The following NWD2 variants were observed in gnomAD, a reference collection of about 807,000 sequenced individuals.
NWD2 encodes the protein NACHT and WD repeat domain containing 2, also known as NACHT and WD repeat domain-containing protein 2.
NWD2 carries 37 observed loss-of-function variants against 132.7 expected under a neutral mutation model. That is an observed-to-expected ratio of 0.28 (90% CI 0.21 to 0.37). NWD2 has a LOEUF of 0.37. Ranked by LOEUF, NWD2 falls within the 10% of genes least tolerant of loss-of-function variation. The probability of loss-of-function intolerance (pLI) is 1.00; values close to 1 mark genes in which losing one functional copy is unlikely to be tolerated. For synonymous variants in NWD2, 705 were observed against 803.0 expected (o/e 0.88, Z 2.06); for missense variants, 1,592 against 2,122.4 (o/e 0.75, Z 4.91).
chr4:37,297,503 T>A (rs183529926), intron 1 of NWD2, among the ~76,000 whole-genome samples: 1 of 152,308 alleles, frequency 6.6e-6, no homozygotes, highest in East Asian at 1.9e-4. Context: ...AATAAGTATA[T>A]GTTCTTACAT....
intron 1 of NWD2, among the ~76,000 whole-genome samples, chr4:37,301,629 T>C: frequency 6.6e-6 from 1 of 152,058 alleles, no homozygotes; most frequent in Non-Finnish European, 1.5e-5. Context: ...TTTTTTTATT[T>C]CTAGAGGTTT....
intron 2 of NWD2, among the ~76,000 whole-genome samples, chr4:37,343,823 A>T (rs962313553): frequency 3.9e-5 from 6 of 152,062 alleles, no homozygotes; most frequent in African/African-American, 1.4e-4. Context: ...TTTTTTACAG[A>T]TTGCTTTATT....
chr4:37,445,048 T>A lies in NWD2; in HGVS notation c.3060T>A (p.Asp1020Glu). 1.3e-6 allele frequency: 2 copies of A among 1,551,880 alleles called. No homozygotes were observed. The highest frequency in any genetic ancestry group is 1.7e-6 in the Non-Finnish European group (2 of 1,147,030). The change falls in exon 7 of 7, where the codon GAT becomes GAA. Residue 1020 changes from aspartate to glutamate, a missense_variant. By Grantham distance (45) the Asp-to-Glu change is conservative. Coordinates refer to ENST00000309447, the MANE Select transcript of NWD2 (RefSeq NM_001144990.2). This position sits in a 1 kb window ranked among gnomAD's most constrained non-coding sequence, Gnocchi z 4.7. ...SVILGMKLTSDEKYLVVATTN... is the reference protein window; with the variant it reads ...SVILGMKLTSEEKYLVVATTN... ...TCCTGGGCATGAAACTCACCAGTGA[T>A]GAAAAGTACCTTGTGGTGGCTACAA... is the stretch of plus-strand genomic sequence containing the variant.
intron 2 of NWD2, among the ~76,000 whole-genome samples, chr4:37,337,121 A>C (rs75647312): frequency 0.011 from 1,705 of 152,288 alleles, 33 homozygotes; most frequent in African/African-American, 0.039. Flanking sequence ...ACTGTTACAC[A>C]TGAGGCAACA....
chr4:37,348,675 T>TATACAC (rs1308407988), intron 2 of NWD2, among the ~76,000 whole-genome samples: 250 of 22,544 alleles, frequency 0.011, 2 homozygotes, highest in Non-Finnish European at 0.015. Flanking sequence ...TATATATATA[T>TATACAC]ACACACACAC....
chr4:37,397,985 A>G (rs1466210604), intron 3 of NWD2, among the ~76,000 whole-genome samples: 1 of 152,224 alleles, frequency 6.6e-6, no homozygotes, highest in East Asian at 1.9e-4. Flanking sequence ...TTGTCCAGAA[A>G]CATGCATTGA....
intron 1 of NWD2, among the ~76,000 whole-genome samples, chr4:37,295,379 A>G (rs1412843541): frequency 6.6e-6 from 1 of 152,204 alleles, no homozygotes; most frequent in Non-Finnish European, 1.5e-5. Context: ...TTCTGTGTGG[A>G]AATATCTTAC....
At chr4:37,295,277 A>G (rs554381826) in intron 1 of NWD2, among the ~76,000 whole-genome samples, 1 of 152,290 alleles carries the variant, frequency 6.6e-6, no homozygotes, top group South Asian at 2.1e-4. Context: ...CAATCAAAGT[A>G]TTCCTTAGAT....
At chr4:37,364,569 CAT>C (rs555529407) in intron 3 of NWD2, among the ~76,000 whole-genome samples, 156 of 152,206 alleles carry the variant, frequency 1.0e-3, no homozygotes, top group Non-Finnish European at 1.9e-3. Context: ...AGATTACACA[CAT>C]ATATAAACAA....
chr4:37,264,170 G>A (rs1158053585), intron 1 of NWD2, among the ~76,000 whole-genome samples: 2 of 152,150 alleles, frequency 1.3e-5, no homozygotes, highest in African/African-American at 4.8e-5. Context: ...GCTTAATTTA[G>A]TGCCTGGCTG....
Position 37,446,939 on chromosome 4 carries a change from G to T in NWD2, c.4951G>T (p.Ala1651Ser). 6.4e-7 allele frequency: 1 copy of T among 1,551,396 alleles called. No individual in the cohort carries two copies. The highest frequency in any genetic ancestry group is 8.7e-7 in the Non-Finnish European group (1 of 1,146,920). ...GIYTVVDRVD[A>S]ALKIKIATSN... Reference sequence around the variant, plus strand: ...CTACACGGTAGTAGACCGTGTAGATGCTGCACTGAAAATCAAAATTGCCAC... The same window carrying T: ...CTACACGGTAGTAGACCGTGTAGATTCTGCACTGAAAATCAAAATTGCCAC... Residue 1651 changes from alanine (A) to serine (S), a missense_variant, in exon 7 of 7, where the codon GCT becomes TCT. Ala to Ser is a moderately conservative substitution (Grantham distance 99, BLOSUM62 1). Transcript: ENST00000309447. The surrounding 1 kb of genome is among the most constrained non-coding windows in gnomAD (Gnocchi z 6.7).
At chr4:37,296,943 G>A (rs1034494691) in intron 1 of NWD2, among the ~76,000 whole-genome samples, 1 of 152,152 alleles carries the variant, frequency 6.6e-6, no homozygotes, top group African/African-American at 2.4e-5. Flanking sequence ...AGTGTTCACA[G>A]CAACTTCATA....
intron 4 of NWD2, among the ~76,000 whole-genome samples, chr4:37,433,504 A>G (rs1304248600): frequency 6.6e-6 from 1 of 152,232 alleles, no homozygotes; most frequent in African/African-American, 2.4e-5. Context: ...AAGTTAAAAC[A>G]AATAAAGACA....
chr4:37,332,111 G>A (rs538864586), intron 2 of NWD2, among the ~76,000 whole-genome samples: 2 of 152,292 alleles, frequency 1.3e-5, no homozygotes, highest in East Asian at 3.9e-4. Flanking sequence ...TCTAGGCCAC[G>A]AGGATTCCAA....
intron 3 of NWD2, among the ~76,000 whole-genome samples, chr4:37,394,874 G>C (rs984341943): frequency 9.1e-5 from 12 of 131,720 alleles, no homozygotes; most frequent in Non-Finnish European, 1.7e-4. Flanking sequence ...GTGCAGTGGT[G>C]CAATCTTGGC....
rs1717200129 is a variant in NWD2 at position 37,245,019 on chromosome 4, A to G, written c.-49A>G. On this transcript the variant is annotated 5_prime_UTR_variant, in exon 1 of 7. Coordinates refer to ENST00000309447, the MANE Select transcript of NWD2 (RefSeq NM_001144990.2). ...CCGTGGAGCTGCGGGCAGGAACCCG[A>G]GGAGCAGGAGGTGGCGGCGGCGGCA... The G allele has an allele frequency of 3.9e-6, 6 of 1,538,318 alleles. No individual in the cohort carries two copies. The highest frequency in any genetic ancestry group is 2.6e-6 in the Non-Finnish European group (3 of 1,145,748).
intron 2 of NWD2, among the ~76,000 whole-genome samples, chr4:37,332,255 C>T (rs557682960): frequency 6.6e-6 from 1 of 152,224 alleles, no homozygotes; most frequent in South Asian, 2.1e-4. Context: ...GGCAGTGCAG[C>T]TCACGGCTCT....
chr4:37,411,227 A>G (rs1286549571), intron 3 of NWD2, among the ~76,000 whole-genome samples: 1 of 152,206 alleles, frequency 6.6e-6, no homozygotes, highest in Non-Finnish European at 1.5e-5. Flanking sequence ...TCAACAAAAT[A>G]GACCACTAGC....
rs1470997323 is a variant in NWD2, at chr4:37,356,443, G to A, written c.318G>A (p.Leu106=). The part of the protein sequence containing the change: ...PELQKTRMKL[L]ENCLKTSAGP... ...TCCAGAAGACCCGCATGAAGCTGCT[G>A]GAGAATTGCTTGAAAACTTCTGCAG... Residue 106 remains leucine (L), a synonymous_variant, in exon 3 of 7, where the codon CTG becomes CTA. Transcript: ENST00000309447. The A allele has an allele frequency of 1.3e-6, 2 of 1,551,390 alleles. No homozygotes were observed. Among genetic ancestry groups the A allele is most frequent in the African/African-American group, 1.4e-5 (1 of 73,024 alleles).
Sources: gnomAD v4.1 joint callset for allele counts (sites outside exome capture counted in the v4.1 genomes callset) on GRCh38, gnomAD v4.1.1 for gene constraint, Gnocchi (gnomAD v3.1) non-coding constraint, MANE v1.5 for transcripts, NCBI Gene and HGNC (gene_info 2026-07-23, HGNC 2026-07-21) for gene names.